The following OTUB2 variants were observed in gnomAD, a reference collection of about 807,000 sequenced individuals.
OTUB2 encodes the protein ubiquitin thioesterase OTUB2.
OTUB2 carries 21 observed loss-of-function variants against 25.1 expected under a neutral mutation model. The observed-to-expected ratio is 0.84, with a 90% CI of 0.59 to 1.21. OTUB2 has a LOEUF of 1.21. Among genes scored for constraint, OTUB2 ranks in the 50% most tolerant of loss-of-function variants. The probability of loss-of-function intolerance (pLI) is 0.00; values close to 1 mark genes in which losing one functional copy is unlikely to be tolerated. For missense variants in OTUB2, 283 were observed against 298.0 expected (o/e 0.95, Z 0.37); for synonymous variants, 122 against 122.8 (o/e 0.99, Z 0.04).
chr14:94,044,550 G>A (rs976995963), intron 4 of OTUB2, 36 bp from the exon 5 acceptor site: 2 of 1,581,538 alleles, frequency 1.3e-6, no homozygotes, highest in African/African-American at 1.3e-5. Context: ...GCTGGGGCTT[G>A]CTTGGCCTCC....
chr14:94,038,861 C>T (rs769473198), intron 2 of OTUB2, 102 bp from the exon 3 acceptor site: 26 of 992,834 alleles, frequency 2.6e-5, no homozygotes, highest in Non-Finnish European at 4.1e-5. Flanking sequence ...AGGGAGCAGA[C>T]ATTTCCTGGG....
intron 4 of OTUB2, 143 bp from the exon 5 acceptor site, chr14:94,044,443 A>T: frequency 1.1e-6 from 1 of 898,342 alleles, no homozygotes; most frequent in Non-Finnish European, 1.6e-6. Context: ...GCAGAATCTC[A>T]GACTGATTTT....
chr14:94,041,227 A>T (rs187533368), intron 3 of OTUB2, among the ~76,000 whole-genome samples: 2 of 152,270 alleles, frequency 1.3e-5, no homozygotes, highest in East Asian at 3.9e-4. Flanking sequence ...TTGGCCTGAG[A>T]GTTAGCAGGA....
chr14:94,026,864 G>A (rs1884873222), intron 1 of OTUB2, among the ~76,000 whole-genome samples: 1 of 152,210 alleles, frequency 6.6e-6, no homozygotes, highest in Admixed American at 6.5e-5. Flanking sequence ...CAGGGACAGG[G>A]AGGCTGCAGC....
intron 1 of OTUB2, among the ~76,000 whole-genome samples, chr14:94,033,916 C>T (rs1885006256): frequency 6.6e-6 from 1 of 152,206 alleles, no homozygotes. Flanking sequence ...GTCAATCTTT[C>T]ATGATTTAGA....
rs1885111267 is a variant in OTUB2, at chr14:94,039,032, G to A, written c.169G>A (p.Gly57Ser). Residue 57 changes from glycine (G) to serine (S), a missense_variant, in exon 3 of 6, where the codon GGC (glycine) becomes AGC (serine). Transcript: ENST00000203664. ...TGGGAACTGCTTCTACAGGGCCTTG[G>A]GCTATTCCTACCTGGAGTCCCTGCT... The part of the protein sequence containing the change: ...GDGNCFYRAL[G>S]YSYLESLLGK... 6.2e-7 allele frequency: 1 copy of A among 1,614,084 alleles called. No homozygotes were observed. Among genetic ancestry groups the A allele is most frequent in the African/African-American group, 1.3e-5 (1 of 74,930 alleles).
rs373467035 is a variant in OTUB2, at chr14:94,045,862, C to T, written c.645C>T (p.Ser215=). The change falls in exon 6 of 6, where the codon TCC becomes TCT. Residue 215 remains serine (S), a synonymous_variant. Coordinates refer to ENST00000203664, the MANE Select transcript of OTUB2 (RefSeq NM_023112.4). ...TGTTCCCTGAGGCCGCCACCCCTTCCGTTTACCTGCTCTATAAAACATCCC... is the reference window on the plus strand; with the variant it reads ...TGTTCCCTGAGGCCGCCACCCCTTCTGTTTACCTGCTCTATAAAACATCCC... ...HHVFPEAATP[S]VYLLYKTSHY... is the part of the protein sequence containing the mutation. 5.0e-5 allele frequency: 81 copies of T among 1,614,118 alleles called. No individual in the cohort carries two copies. The highest frequency in any genetic ancestry group is 3.2e-4 in the African/African-American group (24 of 74,944).
In OTUB2 at chr14:94,034,402, T is replaced by C. The variant is rs142799767; in HGVS notation, c.4-2978T>C. Among the ~76,000 whole-genome samples the C allele has an allele frequency of 1.0e-3, 155 of 152,314 alleles. 1 individual carries two copies. Among genetic ancestry groups the C allele is most frequent in the African/African-American group, 3.5e-3 (146 of 41,556 alleles). On this transcript the variant is annotated intron_variant, in intron 1 of 5. Transcript: ENST00000203664. Reference sequence around the variant, plus strand: ...GGCTGCCCTGTGTGGAATGTTCCTTTGTGTTTAGCAGCCTTGGTCCCTCAA... The same window carrying C: ...GGCTGCCCTGTGTGGAATGTTCCTTCGTGTTTAGCAGCCTTGGTCCCTCAA...
chr14:94,036,957 GT>G (rs2141410552), intron 1 of OTUB2, among the ~76,000 whole-genome samples: 1 of 152,304 alleles, frequency 6.6e-6, no homozygotes, highest in Admixed American at 6.5e-5. Flanking sequence ...ATGTGACACA[GT>G]GCTGGGCATG....
rs1227550324 is a variant in OTUB2, at chr14:94,026,388, C to G, written c.-150C>G. On this transcript the variant is annotated 5_prime_UTR_variant, in exon 1 of 6. Transcript: ENST00000203664. ...CAGTGGAGGTCTAACCTTTGGTTTG[C>G]GGAGCGGTCGGGTGTATTCTCCGCC... 1 of 1,257,786 alleles carries G rather than the reference C, an allele frequency of 8.0e-7. No homozygotes were observed. Among genetic ancestry groups the G allele is most frequent in the African/African-American group, 1.6e-5 (1 of 64,302 alleles). 77.9% of individuals were successfully genotyped at this position (1,257,786 alleles called of 1,614,324 possible).
intron 1 of OTUB2, among the ~76,000 whole-genome samples, chr14:94,035,286 CTTTTTT>C (rs761154708): frequency 9.6e-6 from 1 of 104,036 alleles, no homozygotes. Flanking sequence ...TTTTTCTTTT[CTTTTTT>C]TTTTTTTTTT....
In OTUB2 at chr14:94,026,453, C is replaced by G; in HGVS notation, c.-85C>G. 8 of 1,317,788 alleles carry G rather than the reference C, an allele frequency of 6.1e-6. No homozygotes were observed. Among genetic ancestry groups the G allele is most frequent in the Non-Finnish European group, 7.8e-6 (8 of 1,031,892 alleles). 81.6% of individuals were successfully genotyped at this position (1,317,788 alleles called of 1,614,324 possible). ...GAGGTCCCCGCCACCGAACCAGCGG[C>G]GGAGCCCGCCCGCGCCTCCCGCGGC... On this transcript the variant is annotated 5_prime_UTR_variant, in exon 1 of 6. Transcript: ENST00000203664.
chr14:94,026,776 C>G (rs960201326), intron 1 of OTUB2, among the ~76,000 whole-genome samples: 1 of 152,176 alleles, frequency 6.6e-6, no homozygotes, highest in Non-Finnish European at 1.5e-5. Flanking sequence ...CGGCCCCGAG[C>G]CCCCGCCCCC....
rs1885295642 is a variant in OTUB2 at position 94,047,225 on chromosome 14, T to G, written c.*1303T>G. The G allele has an allele frequency of 6.6e-6, 1 of 152,218 alleles. No individual in the cohort carries two copies. The highest frequency in any genetic ancestry group is 6.5e-5 in the Admixed American group (1 of 15,280). The allele number at this position is 152,218 out of a possible 1,614,324, so 9.4% of individuals were successfully genotyped here. A position where few individuals can be genotyped will look rare whatever the true frequency, so the allele number is the denominator to read the frequency against. On this transcript the variant is annotated 3_prime_UTR_variant, in exon 6 of 6. Coordinates refer to ENST00000203664, the MANE Select transcript of OTUB2 (RefSeq NM_023112.4). ...GAAGGCCACCTTCTCACAGGTTTCA[T>G]TCTGCAGGGATTTACTGGAATCTAT...
intron 3 of OTUB2, among the ~76,000 whole-genome samples, chr14:94,041,235 G>A (rs1471782421): frequency 6.6e-6 from 1 of 152,168 alleles, no homozygotes; most frequent in Non-Finnish European, 1.5e-5. Context: ...AGAGTTAGCA[G>A]GATGGAGAAG....
rs185194882 is a variant in OTUB2 at position 94,039,159 on chromosome 14, G to A, written c.218+78G>A. 61 of 1,142,558 alleles carry A rather than the reference G, an allele frequency of 5.3e-5. No homozygotes were observed. The African/African-American group carries it at 6.0e-4, about 11-fold the overall frequency. 70.8% of individuals were successfully genotyped at this position (1,142,558 alleles called of 1,614,324 possible). A position where few individuals can be genotyped will look rare whatever the true frequency, so the allele number is the denominator to read the frequency against. The stretch of plus-strand genomic sequence containing the variant: ...AGCCTCAAGTCTCTCGGAGGTTTTC[G>A]TTACACTCAGGCTGGTTAACCCAGA... On this transcript the variant is annotated intron_variant, in intron 3 of 5. Transcript: ENST00000203664.
chr14:94,029,772 G>A (rs1884925357), intron 1 of OTUB2, among the ~76,000 whole-genome samples: 1 of 152,234 alleles, frequency 6.6e-6, no homozygotes, highest in Non-Finnish European at 1.5e-5. Flanking sequence ...AGCACTGACA[G>A]GCAGACAAAG....
chr14:94,044,856 C>T (rs1020537405), intron 5 of OTUB2, 76 bp downstream of exon 5: 19 of 1,428,632 alleles, frequency 1.3e-5, no homozygotes, highest in South Asian at 2.7e-5. Context: ...AGCACCCATC[C>T]GTAGCCAAGG....
At chr14:94,043,749 GCA>G (rs980930317) in intron 3 of OTUB2, among the ~76,000 whole-genome samples, 5 of 152,138 alleles carry the variant, frequency 3.3e-5, no homozygotes, top group Admixed American at 2.0e-4. Flanking sequence ...TTTCCACCAT[GCA>G]CACACACACA....
Sources: allele counts gnomAD v4.1 joint callset (sites outside exome capture counted in the v4.1 genomes callset), GRCh38; gene constraint gnomAD v4.1.1; transcripts MANE v1.5; gene names NCBI Gene and HGNC (gene_info 2026-07-23, HGNC 2026-07-21).